CSMD1: variants seen among roughly 807,000 people sequenced by gnomAD.
CSMD1 encodes the protein CUB and sushi domain-containing protein 1.
In CSMD1, 213 loss-of-function variants were observed where a neutral mutation model predicts 417.5. That is an observed-to-expected ratio of 0.51 (90% CI 0.46 to 0.57). CSMD1 has a LOEUF of 0.57. Ranked by LOEUF, CSMD1 falls within the 20% of genes least tolerant of loss-of-function variation. The pLI, the probability that CSMD1 is intolerant of heterozygous loss-of-function variation, is 0.00. For synonymous variants in CSMD1, 2,862 were observed against 1,736.8 expected (o/e 1.65, Z -16.11); for missense variants, 6,923 against 4,529.7 (o/e 1.53, Z -15.17).
rs1312210956 is a variant in CSMD1 at position 2,937,573 on chromosome 8, C to T, written c.*1012G>A. 6.6e-6 allele frequency: 1 copy of T among 152,060 alleles called. No homozygotes were observed. The highest frequency in any genetic ancestry group is 1.5e-5 in the Non-Finnish European group (1 of 68,014). 9.4% of individuals were successfully genotyped at this position (152,060 alleles called of 1,614,324 possible). On this transcript the variant is annotated 3_prime_UTR_variant, in exon 70 of 70. Coordinates refer to ENST00000635120, the MANE Select transcript of CSMD1 (RefSeq NM_033225.6). The stretch of plus-strand genomic sequence containing the variant: ...ATGGCAAACAGAAATTTCTGCAAAC[C>T]CCCTGCTATTAAGTAGTATCAGAGA...
chr8:4,015,682 A>AAAAAAAAAAC (rs1554516952), intron 4 of CSMD1, among the ~76,000 whole-genome samples: 1 of 150,930 alleles, frequency 6.6e-6, no homozygotes, highest in African/African-American at 2.4e-5. Context: ...AAAAAAAAAA[A>AAAAAAAAAAC]ACTCAAGACA....
At chr8:4,120,206 A>C (rs77168323) in intron 3 of CSMD1, among the ~76,000 whole-genome samples, 29,390 of 152,126 alleles carry the variant, frequency 0.19, 3,032 homozygotes, top group African/African-American at 0.24. Context: ...ACAAAATTTA[A>C]AATAAAAAAA....
At chr8:3,784,314 T>C (rs1162769933) in intron 5 of CSMD1, among the ~76,000 whole-genome samples, 1 of 152,218 alleles carries the variant, frequency 6.6e-6, no homozygotes, top group African/African-American at 2.4e-5. Flanking sequence ...ATATACTTTC[T>C]AATATCTCAC....
chr8:4,002,239 G>A (rs554625710), intron 4 of CSMD1, among the ~76,000 whole-genome samples: 15 of 152,124 alleles, frequency 9.9e-5, no homozygotes, highest in East Asian at 9.7e-4. Flanking sequence ...ATGTGTGTGC[G>A]TGTGTTTGTG....
intron 7 of CSMD1, among the ~76,000 whole-genome samples, chr8:3,697,056 G>A (rs1800593264): frequency 6.6e-6 from 1 of 152,150 alleles, no homozygotes; most frequent in Non-Finnish European, 1.5e-5. Context: ...GCAGACACAA[G>A]GTAGCAGCTT....
chr8:3,044,942 A>C (rs1311684297), intron 50 of CSMD1, among the ~76,000 whole-genome samples: 2 of 152,168 alleles, frequency 1.3e-5, no homozygotes, highest in South Asian at 2.1e-4. Context: ...ATGGTAACCA[A>C]ATTTTTCTGG....
At chr8:3,265,391 T>G (rs1801360830) in intron 26 of CSMD1, among the ~76,000 whole-genome samples, 1 of 152,126 alleles carries the variant, frequency 6.6e-6, no homozygotes. Context: ...CTATGAATCT[T>G]GTGAAGGGGG....
In CSMD1 at chr8:4,510,096, A is replaced by G. The variant is rs549053756; in HGVS notation, c.303-90031T>C. On this transcript the variant is annotated intron_variant, in intron 2 of 69. Transcript: ENST00000635120. ...TATTAACTTGATAGTGAATAAGTCT[A>G]AAGAGATCTGATGGTTGTATAAAGG... Among the ~76,000 whole-genome samples, 13 of 152,114 alleles carry G rather than the reference A, an allele frequency of 8.5e-5. No individual in the cohort carries two copies. The South Asian group carries it at 2.7e-3, about 32-fold the overall frequency.
intron 3 of CSMD1, among the ~76,000 whole-genome samples, chr8:4,078,312 A>AC (rs1406344898): frequency 5.8e-4 from 79 of 136,198 alleles, no homozygotes; most frequent in Non-Finnish European, 1.0e-3. Flanking sequence ...TTGATATCCA[A>AC]CTTTTTTTTT....
chr8:3,867,715 A>G (rs1805199201), intron 5 of CSMD1, among the ~76,000 whole-genome samples: 4 of 152,128 alleles, frequency 2.6e-5, no homozygotes, highest in African/African-American at 9.7e-5. Context: ...TGCAGTTGTT[A>G]ATAATAATAG....
At chr8:4,706,300 C>T (rs1396024034) in intron 1 of CSMD1, among the ~76,000 whole-genome samples, 3 of 151,946 alleles carry the variant, frequency 2.0e-5, no homozygotes, top group Non-Finnish European at 4.4e-5. Context: ...CTTACATGTA[C>T]CCCATGAAAT....
At chr8:4,186,523 C>G (rs898959530) in intron 3 of CSMD1, among the ~76,000 whole-genome samples, 1 of 151,988 alleles carries the variant, frequency 6.6e-6, no homozygotes, top group Non-Finnish European at 1.5e-5. Context: ...ATTTTGAAAA[C>G]TGGTGACTTC....
intron 6 of CSMD1, among the ~76,000 whole-genome samples, chr8:3,726,798 T>G (rs1223454684): frequency 1.3e-5 from 2 of 152,168 alleles, no homozygotes; most frequent in African/African-American, 4.8e-5. Flanking sequence ...GGAAATGAGT[T>G]GTGCAAATAT....
intron 29 of CSMD1, among the ~76,000 whole-genome samples, chr8:3,215,610 A>G (rs183761540): frequency 8.5e-5 from 13 of 152,342 alleles, no homozygotes; most frequent in African/African-American, 2.9e-4. Flanking sequence ...CTTCTTCCCA[A>G]GTAAAAATAC....
chr8:4,275,833 T>A (rs568531731), intron 3 of CSMD1, among the ~76,000 whole-genome samples: 2 of 152,354 alleles, frequency 1.3e-5, no homozygotes, highest in South Asian at 4.1e-4. Context: ...AAAGTGATAT[T>A]GTTATATTTT....
chr8:3,576,240 C>T (rs1308528713), intron 9 of CSMD1, among the ~76,000 whole-genome samples: 1 of 150,904 alleles, frequency 6.6e-6, no homozygotes, highest in Non-Finnish European at 1.5e-5. Context: ...ACTCAAGAAC[C>T]AGACATTTCT....
rs750280946 is a variant in CSMD1 at position 3,275,401 on chromosome 8, T to C, written c.4153+8743A>G. Among the ~76,000 whole-genome samples the C allele has an allele frequency of 4.4e-4, 67 of 152,304 alleles. 1 individual carries two copies. The highest frequency in any genetic ancestry group is 3.8e-4 in the Non-Finnish European group (26 of 68,032). ...TCACCTTTGGTGAATCTGACAATTA[T>C]GTGTCTTGGTGTTGCTCTTCTCGAG... On this transcript the variant is annotated intron_variant, in intron 26 of 69. Transcript: ENST00000635120.
chr8:3,922,232 C>A (rs1387647006), intron 5 of CSMD1, among the ~76,000 whole-genome samples: 1 of 151,806 alleles, frequency 6.6e-6, no homozygotes, highest in African/African-American at 2.4e-5. Context: ...TAAAAATATC[C>A]TTTTCTATCT....
intron 23 of CSMD1, among the ~76,000 whole-genome samples, chr8:3,336,637 C>T (rs1189604468): frequency 6.6e-6 from 1 of 152,168 alleles, no homozygotes; most frequent in Non-Finnish European, 1.5e-5. Flanking sequence ...ACACTGAGAG[C>T]ATGTACTTCA....
Sources: gnomAD v4.1 joint callset for allele counts (sites outside exome capture counted in the v4.1 genomes callset) on GRCh38, gnomAD v4.1.1 for gene constraint, MANE v1.5 for transcripts, NCBI Gene and HGNC (gene_info 2026-07-23, HGNC 2026-07-21) for gene names.